Variants in C6orf141 observed in about 807,000 individuals in gnomAD.
C6orf141 encodes uncharacterized protein C6orf141.
For missense variants in C6orf141, 361 were observed against 335.8 expected (o/e 1.07, Z -0.59); for synonymous variants, 164 against 140.5 (o/e 1.17, Z -1.18).
At chr6:49,555,055 T>G (rs780462414), downstream of C6orf141, 3 of 152,166 alleles carry the variant, frequency 2.0e-5, no homozygotes, top group Non-Finnish European at 4.4e-5. Flanking sequence ...AAAAACATGA[T>G]TATCTAAAAT....
intron 4 of C6orf141, among the ~76,000 whole-genome samples, chr6:49,559,892 C>A (rs764886680): frequency 6.6e-6 from 1 of 152,182 alleles, no homozygotes; most frequent in Non-Finnish European, 1.5e-5. Context: ...CCTAAGCCAA[C>A]CTATGGACTT....
At chr6:49,552,184 C>T (rs1306656671), downstream of C6orf141, 1 of 153,738 alleles carries the variant, frequency 6.5e-6, no homozygotes, top group Non-Finnish European at 1.5e-5. Context: ...GTCCTGTAAA[C>T]ATGCATTTAT....
Position 49,550,668 on chromosome 6 carries a change from A to T in C6orf141, c.-125A>T. ...CACGCGGTTAGCCTGGGGCTGATCT[A>T]GTCTTCAGCTTTCACCGGCTGGGAG... On this transcript the variant is annotated 5_prime_UTR_variant, in exon 1 of 1. Transcript: ENST00000529246. 2 of 849,704 alleles carry T rather than the reference A, an allele frequency of 2.4e-6. No homozygotes were observed. Among genetic ancestry groups the T allele is most frequent in the South Asian group, 2.2e-5 (1 of 45,244 alleles). The allele number at this position is 849,704 out of a possible 1,614,324, so 52.6% of individuals were successfully genotyped here. A position where few individuals can be genotyped will look rare whatever the true frequency, so the allele number is the denominator to read the frequency against.
In C6orf141 at chr6:49,551,640, G is replaced by T. The variant is rs187304389; in HGVS notation, c.*113G>T. The T allele has an allele frequency of 9.3e-4, 1,379 of 1,488,104 alleles. 7 individuals carry two copies. The highest frequency in any genetic ancestry group is 8.1e-3 in the Middle Eastern group (33 of 4,060). The allele number at this position is 1,488,104 out of a possible 1,614,324, so 92.2% of individuals were successfully genotyped here. A position where few individuals can be genotyped will look rare whatever the true frequency, so the allele number is the denominator to read the frequency against. On this transcript the variant is annotated 3_prime_UTR_variant, in exon 1 of 1. Transcript: ENST00000529246. ...ACCTACAGAAGGAACCTTTTGAGAG[G>T]CTGGTGCAGCGCTTCGGGGAGGCAG...
At chr6:49,558,142 A>T (rs1772425222) in intron 4 of C6orf141, among the ~76,000 whole-genome samples, 1 of 142,004 alleles carries the variant, frequency 7.0e-6, no homozygotes, top group African/African-American at 2.6e-5. Context: ...GGCCTCAATG[A>T]TCCACTTGCC....
chr6:49,561,286 C>T (rs1027534518), intron 4 of C6orf141, among the ~76,000 whole-genome samples: 1 of 151,826 alleles, frequency 6.6e-6, no homozygotes, highest in South Asian at 2.1e-4. Flanking sequence ...TTAGTAGAGA[C>T]GGAGTTTTTA....
intron 4 of C6orf141, among the ~76,000 whole-genome samples, chr6:49,557,741 C>CA (rs1193529788): frequency 6.6e-6 from 1 of 152,152 alleles, no homozygotes; most frequent in Admixed American, 6.5e-5. Context: ...TGCCAATCAG[C>CA]AAACATAGAT....
rs1770668508 is a variant in C6orf141 at position 49,551,730 on chromosome 6, TAA to T, written c.*204_*205del. 2 of 1,420,970 alleles carry T rather than the reference TAA, an allele frequency of 1.4e-6. No individual in the cohort carries two copies. The highest frequency in any genetic ancestry group is 2.9e-5 in the African/African-American group (2 of 69,160). 88.0% of individuals were successfully genotyped at this position (1,420,970 alleles called of 1,614,324 possible). A position where few individuals can be genotyped will look rare whatever the true frequency, so the allele number is the denominator to read the frequency against. On this transcript the variant is annotated 3_prime_UTR_variant, in exon 1 of 1. Transcript: ENST00000529246. ...TGAATTCCTTCGCTGTCTGGGGACCTAAGTCATTCAGAAGAGGTGGAGAAAAG... is the reference window on the plus strand; with the variant it reads ...TGAATTCCTTCGCTGTCTGGGGACCTGTCATTCAGAAGAGGTGGAGAAAAG...
At chr6:49,560,036 G>A (rs1043131215) in intron 4 of C6orf141, among the ~76,000 whole-genome samples, 2 of 152,156 alleles carry the variant, frequency 1.3e-5, no homozygotes, top group East Asian at 1.9e-4. Context: ...TGATCAGGCT[G>A]GGTGCGGTGG....
Position 49,551,235 on chromosome 6 carries a change from C to T in C6orf141, c.443C>T (p.Pro148Leu), listed in dbSNP as rs1770434246. 5 of 1,551,592 alleles carry T rather than the reference C, an allele frequency of 3.2e-6. No individual in the cohort carries two copies. Among genetic ancestry groups the T allele is most frequent in the Non-Finnish European group, 4.4e-6 (5 of 1,146,932 alleles). ...KRISGRRVAPPRDAADPPKYV... is the reference protein window; with the variant it reads ...KRISGRRVAPLRDAADPPKYV... ...ATTTCTGGCAGGCGTGTAGCCCCGC[C>T]GCGGGACGCAGCAGACCCACCCAAA... Residue 148 changes from proline to leucine, a missense_variant, in exon 1 of 1, where the codon CCG (proline) becomes CTG (leucine). Pro to Leu is a moderately conservative substitution (Grantham distance 98, BLOSUM62 -3). Transcript: ENST00000529246.
chr6:49,558,468 T>C (rs578139388), intron 4 of C6orf141, among the ~76,000 whole-genome samples: 130 of 151,956 alleles, frequency 8.6e-4, no homozygotes, highest in African/African-American at 3.0e-3. Context: ...TCCTGACCTT[T>C]TGAGCTGATT....
At chr6:49,558,530 A>C (rs1046810310) in intron 4 of C6orf141, among the ~76,000 whole-genome samples, 3 of 151,864 alleles carry the variant, frequency 2.0e-5, no homozygotes, top group African/African-American at 7.3e-5. Context: ...TTCTCACAAA[A>C]CTTGTAGGTT....
chr6:49,554,350 C>T (rs1771324230), downstream of C6orf141, among the ~76,000 whole-genome samples: 1 of 152,224 alleles, frequency 6.6e-6, no homozygotes, highest in Non-Finnish European at 1.5e-5. Context: ...GTCAAGTTAG[C>T]TTAACTCCTT....
chr6:49,561,139 C>T (rs1408840348), intron 4 of C6orf141, among the ~76,000 whole-genome samples: 1 of 150,150 alleles, frequency 6.7e-6, no homozygotes, highest in Non-Finnish European at 1.5e-5. Flanking sequence ...TCTCTGTCGC[C>T]CAGGCTAGAG....
rs1232346319 is a variant in C6orf141, at chr6:49,560,086, G to A, written c.*764-1618G>A. ...CCCAACACTTTGGGAGGCTGAGGTG[G>A]GTGGATCACCTGAGGTCTGGAGTTC... On this transcript the variant is annotated intron_variant and NMD_transcript_variant, in intron 4 of 4. Coordinates refer to the C6orf141 transcript ENST00000371194. Among the ~76,000 whole-genome samples the A allele has an allele frequency of 9.2e-5, 14 of 152,148 alleles. 1 individual carries two copies.
At chr6:49,561,277 T>C (rs1233999254) in intron 4 of C6orf141, among the ~76,000 whole-genome samples, 3 of 152,106 alleles carry the variant, frequency 2.0e-5, no homozygotes, top group East Asian at 3.9e-4. Flanking sequence ...CTTGTATTTT[T>C]AGTAGAGACG....
chr6:49,561,154 G>A (rs553669322), intron 4 of C6orf141, among the ~76,000 whole-genome samples: 1 of 148,890 alleles, frequency 6.7e-6, no homozygotes, highest in South Asian at 2.1e-4. Flanking sequence ...CTAGAGTTAA[G>A]TGGCACGATA....
intron 4 of C6orf141, among the ~76,000 whole-genome samples, chr6:49,557,338 C>T (rs545102302): frequency 1.3e-5 from 2 of 152,188 alleles, no homozygotes; most frequent in Non-Finnish European, 2.9e-5. Context: ...CAAACAGAGG[C>T]TGTGTTTGCA....
At chr6:49,556,544 T>C (rs1389565115), downstream of C6orf141, among the ~76,000 whole-genome samples, 1 of 152,150 alleles carries the variant, frequency 6.6e-6, no homozygotes, top group African/African-American at 2.4e-5. Flanking sequence ...AATAATACAT[T>C]ATAAAAAACT....
Sources: allele counts gnomAD v4.1 joint callset (sites outside exome capture counted in the v4.1 genomes callset), GRCh38; gene constraint gnomAD v4.1.1; transcripts MANE v1.5; gene names NCBI Gene and HGNC (gene_info 2026-07-23, HGNC 2026-07-21).